NRG1: variants seen among roughly 807,000 people sequenced by gnomAD.
NRG1 encodes the protein neuregulin 1, also known as pro-neuregulin-1, membrane-bound isoform.
In NRG1, 18 loss-of-function variants were observed where a neutral mutation model predicts 63.8. That is an observed-to-expected ratio of 0.28 (90% CI 0.19 to 0.42). NRG1 has a LOEUF of 0.42. NRG1 is among the 10% of genes least tolerant of loss of function. The pLI is 1.00. For missense variants in NRG1, 762 were observed against 814.7 expected (o/e 0.94, Z 0.79); for synonymous variants, 302 against 301.3 (o/e 1.00, Z -0.02).
At chr8:32,244,090 G>A (rs993698803) in intron 1 of NRG1, among the ~76,000 whole-genome samples, 1 of 152,140 alleles carries the variant, frequency 6.6e-6, no homozygotes, top group Non-Finnish European at 1.5e-5. Context: ...GGATCCCATT[G>A]GTAGTGCTCA....
At chr8:32,296,902 G>A (rs1423158280) in intron 1 of NRG1, among the ~76,000 whole-genome samples, 5 of 152,058 alleles carry the variant, frequency 3.3e-5, no homozygotes, top group Non-Finnish European at 7.4e-5. Context: ...GGATCACAAG[G>A]TCAAGAGATC....
intron 1 of NRG1, among the ~76,000 whole-genome samples, chr8:31,663,531 T>G (rs1806216512): frequency 6.6e-6 from 1 of 152,140 alleles, no homozygotes; most frequent in African/African-American, 2.4e-5. Flanking sequence ...GCTTACATTA[T>G]GGATAGAAGA....
intron 1 of NRG1, among the ~76,000 whole-genome samples, chr8:32,037,026 A>G (rs1023682836): frequency 6.6e-6 from 1 of 152,176 alleles, no homozygotes; most frequent in Admixed American, 6.5e-5. Context: ...TGGCTTTTTG[A>G]GTTTTCAATG....
intron 1 of NRG1, among the ~76,000 whole-genome samples, chr8:31,909,833 C>T (rs920239480): frequency 2.6e-5 from 4 of 152,138 alleles, no homozygotes; most frequent in Non-Finnish European, 4.4e-5. Flanking sequence ...CCTGGAGCTC[C>T]GTGAGCATTT....
At chr8:32,390,632 GA>G (rs1359346360) in intron 1 of NRG1, among the ~76,000 whole-genome samples, 2 of 148,192 alleles carry the variant, frequency 1.3e-5, no homozygotes, top group East Asian at 3.9e-4. Context: ...AGAAGAAGAA[GA>G]AAAGAAAAAC....
At chr8:31,787,972 C>G (rs1257706725) in intron 1 of NRG1, among the ~76,000 whole-genome samples, 2 of 152,052 alleles carry the variant, frequency 1.3e-5, no homozygotes, top group African/African-American at 4.8e-5. Context: ...CACAATGGCT[C>G]TACTATATAG....
intron 1 of NRG1, among the ~76,000 whole-genome samples, chr8:31,729,376 C>T (rs1227518641): frequency 6.6e-6 from 1 of 151,790 alleles, no homozygotes; most frequent in Non-Finnish European, 1.5e-5. Context: ...CAAATACTTA[C>T]AGAAGAAAGT....
At chr8:32,182,147 G>A (rs1331034601) in intron 1 of NRG1, among the ~76,000 whole-genome samples, 1 of 152,142 alleles carries the variant, frequency 6.6e-6, no homozygotes, top group African/African-American at 2.4e-5. Flanking sequence ...CACAGCCTCT[G>A]ATGAATAATA....
rs1803581243 is a variant in NRG1, at chr8:31,640,026, C to T, written c.37+595C>T. ...CCCCGCGCCGCTCCGGGCGTCCCGG[C>T]CCCCGGGCCCAGCGCCCCGGCTCCG... On this transcript the variant is annotated intron_variant, in intron 1 of 10. Coordinates refer to the NRG1 transcript ENST00000519301. The surrounding 1 kb of genome is among the most constrained non-coding windows in gnomAD (Gnocchi z 6.3). The T allele has an allele frequency of 8.8e-7, 1 of 1,137,176 alleles. No individual in the cohort carries two copies. Among genetic ancestry groups the T allele is most frequent in the Non-Finnish European group, 1.1e-6 (1 of 929,176 alleles). The allele number at this position is 1,137,176 out of a possible 1,614,324, so 70.4% of individuals were successfully genotyped here.
chr8:32,536,922 CAAAA>C (rs35265022), intron 1 of NRG1, among the ~76,000 whole-genome samples: 8 of 35,914 alleles, frequency 2.2e-4, no homozygotes, highest in Non-Finnish European at 3.4e-4. Flanking sequence ...GACTCCGTCT[CAAAA>C]AAAAAAAAAA....
At chr8:31,689,719 A>G (rs986232171) in intron 1 of NRG1, among the ~76,000 whole-genome samples, 1 of 152,312 alleles carries the variant, frequency 6.6e-6, no homozygotes, top group Non-Finnish European at 1.5e-5. Flanking sequence ...ATTATGGCTA[A>G]CTATTTTTCT....
intron 5 of NRG1, among the ~76,000 whole-genome samples, chr8:32,629,506 G>T (rs532351985): frequency 1.2e-4 from 19 of 152,130 alleles, no homozygotes; most frequent in Non-Finnish European, 2.2e-4. Context: ...TTTTTAAGTT[G>T]TACACATTTA....
chr8:32,003,245 A>C (rs915525092), intron 1 of NRG1, among the ~76,000 whole-genome samples: 1 of 152,088 alleles, frequency 6.6e-6, no homozygotes, highest in Non-Finnish European at 1.5e-5. Flanking sequence ...TAAAATGACT[A>C]AAAAGAAGAT....
chr8:31,961,853 A>G (rs1805513037), intron 1 of NRG1, among the ~76,000 whole-genome samples: 1 of 152,226 alleles, frequency 6.6e-6, no homozygotes, highest in Non-Finnish European at 1.5e-5. Flanking sequence ...TCTGACACAT[A>G]TATAACAACA....
At position 32,762,269 on chromosome 8, in the gene NRG1, G is replaced by A. The variant is rs768288383; in HGVS notation, c.1260-1479G>A. Among the ~76,000 whole-genome samples the A allele has an allele frequency of 3.3e-5, 5 of 151,816 alleles. No homozygotes were observed. The South Asian group carries it at 6.2e-4, about 19-fold the overall frequency. On this transcript the variant is annotated intron_variant, in intron 11 of 11. Transcript: ENST00000356819. ...GAAGTCTATCCATTCTGTTTCAATC[G>A]TTTTTTGAAACATGAAAAGGAAGTT...
At chr8:32,251,417 G>C (rs1359632202) in intron 1 of NRG1, among the ~76,000 whole-genome samples, 3 of 152,028 alleles carry the variant, frequency 2.0e-5, no homozygotes, top group African/African-American at 7.2e-5. Flanking sequence ...GTAGTATTTT[G>C]TGGTGTATAT....
At chr8:31,858,272 C>G (rs71523443) in intron 1 of NRG1, among the ~76,000 whole-genome samples, 2 of 151,162 alleles carry the variant, frequency 1.3e-5, no homozygotes, top group South Asian at 2.1e-4. Flanking sequence ...GCACTCCATC[C>G]TGGGCAACAG....
chr8:32,454,908 T>C (rs188578097), intron 1 of NRG1, among the ~76,000 whole-genome samples: 1 of 152,326 alleles, frequency 6.6e-6, no homozygotes, highest in East Asian at 1.9e-4. Context: ...TTTTGTCTTT[T>C]ATTCTGTATT....
intron 6 of NRG1, among the ~76,000 whole-genome samples, chr8:32,739,074 T>C (rs979678998): frequency 6.6e-5 from 10 of 152,174 alleles, no homozygotes; most frequent in Non-Finnish European, 1.3e-4. Context: ...AAGAGGTCTT[T>C]GATAATCACT....
Sources: allele counts gnomAD v4.1 joint callset (sites outside exome capture counted in the v4.1 genomes callset), GRCh38; gene constraint gnomAD v4.1.1; non-coding constraint Gnocchi (gnomAD v3.1); transcripts MANE v1.5; gene names NCBI Gene and HGNC (gene_info 2026-07-23, HGNC 2026-07-21).